DYNC2I1: variants seen among roughly 807,000 people sequenced by gnomAD.
DYNC2I1 encodes the protein dynein 2 intermediate chain 1.
In DYNC2I1, 89 loss-of-function variants were observed where a neutral mutation model predicts 133.4. The ratio of observed to expected loss-of-function variants is 0.67; its 90% CI spans 0.56 to 0.80. The LOEUF is 0.80. DYNC2I1 is among the 30% of genes least tolerant of loss of function. DYNC2I1 has a pLI of 0.00. For missense variants in DYNC2I1, 1,291 were observed against 1,314.5 expected, an observed-to-expected ratio of 0.98 and a Z score of 0.28; for synonymous variants, 504 against 484.3, an observed-to-expected ratio of 1.04 and a Z score of -0.54.
downstream of DYNC2I1, among the ~76,000 whole-genome samples, chr7:158,947,287 C>T (rs996792811): frequency 3.3e-5 from 5 of 152,168 alleles, no homozygotes; most frequent in African/African-American, 4.8e-5. Context: ...CACGGCCTCT[C>T]GAGTCCACAC....
chr7:158,915,147 T>G (rs561641431), intron 14 of DYNC2I1, among the ~76,000 whole-genome samples: 1 of 151,796 alleles, frequency 6.6e-6, no homozygotes, highest in Non-Finnish European at 1.5e-5. Flanking sequence ...AGATTAAGGA[T>G]GATTGTGAAA....
the DYNC2I1 span, among the ~76,000 whole-genome samples, chr7:158,842,705 T>C: frequency 9.9e-5 from 15 of 152,242 alleles, 1 homozygote; most frequent in African/African-American, 3.6e-4. Context: ...GACACCCGAA[T>C]GCAGGAAATG....
At chr7:158,922,674 C>T in intron 16 of DYNC2I1, 125 bp downstream of exon 16, 1 of 911,282 alleles carries the variant, frequency 1.1e-6, no homozygotes, top group South Asian at 1.7e-5. Flanking sequence ...GACTTATGGG[C>T]CATTCTCTGT....
At chr7:158,843,506 C>T in the DYNC2I1 span, among the ~76,000 whole-genome samples, 4 of 152,146 alleles carry the variant, frequency 2.6e-5, no homozygotes, top group African/African-American at 9.7e-5. Flanking sequence ...GTGATCTGCC[C>T]ACCTTGGCCT....
At chr7:158,935,568 T>C (rs1850669318) in intron 23 of DYNC2I1, among the ~76,000 whole-genome samples, 1 of 152,228 alleles carries the variant, frequency 6.6e-6, no homozygotes, top group Non-Finnish European at 1.5e-5. Context: ...TATGTTTATA[T>C]GTCAGTCACA....
chr7:158,893,008 A>C (rs749784753), intron 8 of DYNC2I1, among the ~76,000 whole-genome samples: 52 of 151,920 alleles, frequency 3.4e-4, no homozygotes, highest in Non-Finnish European at 6.0e-4. Flanking sequence ...CCCACACATG[A>C]ATAGCCTCCC....
chr7:158,927,351 C>T (rs991778357), intron 20 of DYNC2I1, among the ~76,000 whole-genome samples: 6 of 151,016 alleles, frequency 4.0e-5, no homozygotes, highest in Admixed American at 6.6e-5. Context: ...TGCAGTGAGC[C>T]GTGATCATGC....
intron 1 of DYNC2I1, chr7:158,869,328 A>G (rs1351097187): frequency 5.1e-6 from 2 of 394,156 alleles, no homozygotes; most frequent in Non-Finnish European, 1.0e-5. Flanking sequence ...GCCTCTCCCC[A>G]GGGCTGCTTC....
intron 3 of DYNC2I1, 142 bp downstream of exon 3, chr7:158,871,704 C>A: frequency 2.0e-6 from 2 of 1,025,056 alleles, no homozygotes; most frequent in Non-Finnish European, 2.8e-6. Flanking sequence ...CAGGGTCTTG[C>A]TCTGCCCCCA....
chr7:158,871,606 C>A (rs1007941691), intron 3 of DYNC2I1, 44 bp downstream of exon 3: 5 of 1,483,514 alleles, frequency 3.4e-6, no homozygotes, highest in Non-Finnish European at 4.4e-6. Flanking sequence ...CGAGGTGCCG[C>A]GTCGCTGCTG....
intron 11 of DYNC2I1, among the ~76,000 whole-genome samples, chr7:158,908,085 A>G (rs1365354952): frequency 6.6e-6 from 1 of 151,852 alleles, no homozygotes; most frequent in African/African-American, 2.4e-5. Flanking sequence ...ATGATAAATA[A>G]AAAAGTTTTT....
intron 7 of DYNC2I1, among the ~76,000 whole-genome samples, chr7:158,889,084 T>TC: frequency 1.4e-5 from 2 of 147,940 alleles, no homozygotes; most frequent in African/African-American, 4.9e-5. Flanking sequence ...GTTTTTCTTT[T>TC]TTTTTTTTTT....
intron 1 of DYNC2I1, among the ~76,000 whole-genome samples, chr7:158,868,913 T>C (rs1022095055): frequency 4.6e-5 from 7 of 152,254 alleles, no homozygotes; most frequent in Non-Finnish European, 7.3e-5. Flanking sequence ...GCATCTGGTA[T>C]GCACCAGATG....
At chr7:158,910,078 GAAAC>G (rs1394609805) in intron 11 of DYNC2I1, among the ~76,000 whole-genome samples, 1 of 152,206 alleles carries the variant, frequency 6.6e-6, no homozygotes, top group Non-Finnish European at 1.5e-5. Context: ...TAACAGTAAA[GAAAC>G]AAAAATCTCT....
intron 7 of DYNC2I1, among the ~76,000 whole-genome samples, chr7:158,888,337 T>G (rs562894217): frequency 3.9e-5 from 6 of 152,058 alleles, no homozygotes; most frequent in African/African-American, 1.2e-4. Context: ...TGTTTTGTTA[T>G]TACAGATAAT....
chr7:158,916,334 G>A lies in DYNC2I1; in HGVS notation c.1791+2013G>A, dbSNP rs1372955554. On this transcript the variant is annotated intron_variant, in intron 14 of 24. Transcript: ENST00000407559. ...AAGGATGATTGTGAAACGTCTACAC[G>A]CTGGTTGACATTAAGGATGATTGTG... is the stretch of plus-strand genomic sequence containing the variant. 5.1e-5 allele frequency among the ~76,000 whole-genome samples: 5 copies of A among 98,400 alleles called. No individual in the cohort carries two copies. The East Asian group carries it at 9.2e-4, about 18-fold the overall frequency. The allele number at this position is 98,400 out of a possible 152,430, so 64.6% of individuals were successfully genotyped here.
Position 158,871,516 on chromosome 7 carries a change from A to T in DYNC2I1, c.444A>T (p.Thr148=). The T allele has an allele frequency of 6.5e-7, 1 of 1,545,784 alleles. No homozygotes were observed. Among genetic ancestry groups the T allele is most frequent in the East Asian group, 2.4e-5 (1 of 40,920 alleles). The stretch of plus-strand genomic sequence containing the variant: ...ACCACAACCTGCTGGGCCAGGAGAC[A>T]CGCGACCGGCAGCTCCTGGAGCGGG... ...VAHHNLLGQE[T]RDRQLLERAE... is the part of the protein sequence containing the mutation. Residue 148 remains threonine (T), a synonymous_variant, in exon 3 of 25, where the codon ACA becomes ACT. Transcript: ENST00000407559.
chr7:158,863,692 C>T (rs1261698691), intron 1 of DYNC2I1, among the ~76,000 whole-genome samples: 1 of 66,744 alleles, frequency 1.5e-5, no homozygotes, highest in Non-Finnish European at 2.6e-5. Flanking sequence ...ACGTCCTTAG[C>T]TCCTGGTGTG....
chr7:158,923,687 G>C lies in DYNC2I1; in HGVS notation c.2211G>C (p.Thr737=). The C allele has an allele frequency of 6.2e-7, 1 of 1,613,952 alleles. No homozygotes were observed. The highest frequency in any genetic ancestry group is 8.5e-7 in the Non-Finnish European group (1 of 1,179,874). The change falls in exon 17 of 25, where the codon ACG becomes ACC. Residue 737 remains threonine, a synonymous_variant. Transcript: ENST00000407559. ...ACTCAAGGCTGCATTACTCTGTGACGCTGAGCGATGGCTTCTGGACGTTCC... is the reference window on the plus strand; with the variant it reads ...ACTCAAGGCTGCATTACTCTGTGACCCTGAGCGATGGCTTCTGGACGTTCC... The part of the protein sequence containing the change: ...REDSRLHYSV[T]LSDGFWTFRT...
Sources: gnomAD v4.1 joint callset for allele counts (sites outside exome capture counted in the v4.1 genomes callset) on GRCh38, gnomAD v4.1.1 for gene constraint, MANE v1.5 for transcripts, NCBI Gene and HGNC (gene_info 2026-07-23, HGNC 2026-07-21) for gene names.